LRRC27: variants seen among roughly 807,000 people sequenced by gnomAD.
LRRC27 encodes leucine rich repeat containing 27.
Under a neutral mutation model 55.0 loss-of-function variants are expected in LRRC27, and 57 were observed. That is an observed-to-expected ratio of 1.04 (90% CI 0.84 to 1.29). The LOEUF (loss-of-function observed/expected upper bound fraction) is 1.29. Ranked by LOEUF, LRRC27 falls within the 50% of genes most tolerant of loss-of-function variation. LRRC27 has a pLI of 0.00. For synonymous variants in LRRC27, 278 were observed against 251.9 expected, an observed-to-expected ratio of 1.10 and a Z score of -0.98; for missense variants, 721 against 651.5, an observed-to-expected ratio of 1.11 and a Z score of -1.16.
At chr10:132,356,303 C>T (rs528588371) in intron 8 of LRRC27, among the ~76,000 whole-genome samples, 1 of 152,358 alleles carries the variant, frequency 6.6e-6, no homozygotes, top group Admixed American at 6.5e-5. Context: ...TCTTTCTGGG[C>T]TCCTCACCCT....
rs541300084 is a variant in LRRC27 at position 132,372,971 on chromosome 10, G to T, written c.1417-2095G>T. Among the ~76,000 whole-genome samples, 5 of 152,276 alleles carry T rather than the reference G, an allele frequency of 3.3e-5. No homozygotes were observed. The South Asian group carries it at 1.0e-3, about 32-fold the overall frequency. On this transcript the variant is annotated intron_variant, in intron 10 of 10. Transcript: ENST00000368614. This position sits in a 1 kb window ranked among gnomAD's most constrained non-coding sequence, Gnocchi z 4.0. The stretch of plus-strand genomic sequence containing the variant: ...TGTTGAGGGAAGCCCCAAGGTGAGG[G>T]AGAGGCCAAAGCCAGCCGGCTGGGG...
rs2069296170 is a variant in LRRC27 at position 132,374,348 on chromosome 10, GGGC to G, written c.1417-717_1417-715del. ...AGGGAGACGGGAGCCGGGTGGCCCA[GGGC>G]TCCTGTGCTTGGAGTGGGGGAGGTT... On this transcript the variant is annotated intron_variant, in intron 10 of 10. Transcript: ENST00000368614. The surrounding 1 kb of genome is among the most constrained non-coding windows in gnomAD (Gnocchi z 4.4). Among the ~76,000 whole-genome samples the G allele has an allele frequency of 6.6e-6, 1 of 152,116 alleles. No homozygotes were observed.
intron 10 of LRRC27, among the ~76,000 whole-genome samples, chr10:132,369,906 CAA>C (rs1358217056): frequency 6.6e-6 from 1 of 152,150 alleles, no homozygotes; most frequent in Non-Finnish European, 1.5e-5. Context: ...GGCCATGAGA[CAA>C]AAGAGAATGA....
chr10:132,331,425 A>C, upstream of LRRC27: 2 of 1,604,908 alleles, frequency 1.2e-6, no homozygotes, highest in South Asian at 2.2e-5. Context: ...ACCCTTCCTC[A>C]GGACACTCAC....
intron 10 of LRRC27, among the ~76,000 whole-genome samples, chr10:132,368,682 G>A (rs1022170638): frequency 1.3e-4 from 15 of 111,230 alleles, no homozygotes; most frequent in African/African-American, 3.5e-4. Flanking sequence ...TAAACGTAAC[G>A]TGTTACCGTA....
intron 10 of LRRC27, among the ~76,000 whole-genome samples, chr10:132,369,449 G>T (rs527406271): frequency 7.9e-5 from 12 of 152,340 alleles, no homozygotes; most frequent in Non-Finnish European, 1.0e-4. Flanking sequence ...TGAGCCGTCA[G>T]CAATGAGAAG....
chr10:132,371,956 A>T (rs887418353), intron 10 of LRRC27, among the ~76,000 whole-genome samples: 1 of 152,220 alleles, frequency 6.6e-6, no homozygotes, highest in African/African-American at 2.4e-5. Context: ...TTGTCCTCGC[A>T]CATATGGAGG....
chr10:132,354,195 C>T (rs1354779093), intron 7 of LRRC27, among the ~76,000 whole-genome samples: 1 of 152,232 alleles, frequency 6.6e-6, no homozygotes, highest in Non-Finnish European at 1.5e-5. Context: ...CGTCCCACAC[C>T]TTCATGGAAG....
rs183575962 is a variant in LRRC27 at position 132,337,759 on chromosome 10, C to T, written c.341+64C>T. ...TTCAGTGCACGAGTGCCTGTTCTTTCGCTCCTTGTCCTTTACTCTTGATTA... is the reference window on the plus strand; with the variant it reads ...TTCAGTGCACGAGTGCCTGTTCTTTTGCTCCTTGTCCTTTACTCTTGATTA... On this transcript the variant is annotated intron_variant, in intron 3 of 10. Coordinates refer to ENST00000368614, the MANE Select transcript of LRRC27 (RefSeq NM_030626.3). 7.6e-3 allele frequency: 11,886 copies of T among 1,565,118 alleles called. 45 individuals are homozygous for T. The highest frequency in any genetic ancestry group is 8.9e-3 in the Non-Finnish European group (10,224 of 1,144,214).
At chr10:132,344,179 A>G (rs2748393) in intron 4 of LRRC27, among the ~76,000 whole-genome samples, 2 of 152,100 alleles carry the variant, frequency 1.3e-5, no homozygotes, top group African/African-American at 2.4e-5. Context: ...GGTAGTTTTT[A>G]TGTGGAAAAT....
intron 10 of LRRC27, among the ~76,000 whole-genome samples, chr10:132,368,691 T>C (rs1169022089): frequency 6.6e-6 from 1 of 152,162 alleles, no homozygotes; most frequent in Non-Finnish European, 1.5e-5. Flanking sequence ...CGTGTTACCG[T>C]ACAACTTTTA....
chr10:132,337,722 A>T, intron 3 of LRRC27, 27 bp downstream of exon 3: 1 of 1,610,552 alleles, frequency 6.2e-7, no homozygotes, highest in Non-Finnish European at 8.5e-7. Context: ...TCCAGATTTT[A>T]AAAATCATCT....
intron 10 of LRRC27, among the ~76,000 whole-genome samples, chr10:132,373,145 C>T (rs1390598815): frequency 6.6e-6 from 1 of 152,044 alleles, no homozygotes; most frequent in African/African-American, 2.4e-5. Flanking sequence ...CAGAAGAACT[C>T]CCAAGGCAAA....
intron 2 of LRRC27, among the ~76,000 whole-genome samples, chr10:132,334,037 T>C (rs572366220): frequency 7.2e-5 from 11 of 152,346 alleles, no homozygotes; most frequent in Admixed American, 2.0e-4. Flanking sequence ...GGTCTCTTAA[T>C]TAAAACACAA....
rs568581903 is a variant in LRRC27, at chr10:132,372,220, C to T, written c.1417-2846C>T. Among the ~76,000 whole-genome samples the T allele has an allele frequency of 3.4e-5, 5 of 148,798 alleles. No individual in the cohort carries two copies. Among genetic ancestry groups the T allele is most frequent in the Non-Finnish European group, 7.4e-5 (5 of 67,478 alleles). On this transcript the variant is annotated intron_variant, in intron 10 of 10. Coordinates refer to ENST00000368614, the MANE Select transcript of LRRC27 (RefSeq NM_030626.3). This position sits in a 1 kb window ranked among gnomAD's most constrained non-coding sequence, Gnocchi z 4.0. ...GTGGGGGTCGGGGTGCGGTGGCTCACGCCTGCAATCCCAGCTGAAAAGCAC... is the reference window on the plus strand; with the variant it reads ...GTGGGGGTCGGGGTGCGGTGGCTCATGCCTGCAATCCCAGCTGAAAAGCAC...
chr10:132,375,181 C>T lies in LRRC27; in HGVS notation c.1532C>T (p.Pro511Leu), dbSNP rs1422337021. 1.2e-6 allele frequency: 2 copies of T among 1,614,012 alleles called. No individual in the cohort carries two copies. Among genetic ancestry groups the T allele is most frequent in the Non-Finnish European group, 1.7e-6 (2 of 1,179,990 alleles). Residue 511 changes from proline to leucine, a missense_variant, in exon 11 of 11, where the codon CCT (proline) becomes CTT (leucine). Coordinates refer to ENST00000368614, the MANE Select transcript of LRRC27 (RefSeq NM_030626.3). ...TCGCTTGGCCTGCCGGCAGCACAGCCTCAAAATACATTTTTTAACACAAAA... is the reference window on the plus strand; with the variant it reads ...TCGCTTGGCCTGCCGGCAGCACAGCTTCAAAATACATTTTTTAACACAAAA... ...NLSLGLPAAQPQNTFFNTKYG... is the reference protein window; with the variant it reads ...NLSLGLPAAQLQNTFFNTKYG...
chr10:132,375,285 C>T lies in LRRC27; in HGVS notation c.*43C>T, dbSNP rs200153614. The T allele has an allele frequency of 3.2e-6, 5 of 1,562,710 alleles. No individual in the cohort carries two copies. Among genetic ancestry groups the T allele is most frequent in the Middle Eastern group, 2.0e-4 (1 of 5,128 alleles). On this transcript the variant is annotated 3_prime_UTR_variant, in exon 11 of 11. Coordinates refer to ENST00000368614, the MANE Select transcript of LRRC27 (RefSeq NM_030626.3). ...GATGGAGACGTCTTCAGACAGGAGC[C>T]GCTCAGTCTTCTTTCCCGGGCGTCG...
intron 7 of LRRC27, chr10:132,353,182 G>T: frequency 2.6e-5 from 36 of 1,411,076 alleles, no homozygotes; most frequent in Non-Finnish European, 3.3e-5. Context: ...GAGGAAGGGA[G>T]AGCGAGGGCC....
In LRRC27 at chr10:132,380,532, G is replaced by A. The variant is rs1008323269; in HGVS notation, c.*5290G>A. On this transcript the variant is annotated 3_prime_UTR_variant, in exon 11 of 11. Transcript: ENST00000368614. Reference sequence around the variant, plus strand: ...GTTTTAACTGGACATGGTGGCACACGCCTGCAGTCCCAGCTACTCAGGAGG... The same window carrying A: ...GTTTTAACTGGACATGGTGGCACACACCTGCAGTCCCAGCTACTCAGGAGG... 2.6e-5 allele frequency among the ~76,000 whole-genome samples: 4 copies of A among 152,038 alleles called. No homozygotes were observed. The highest frequency in any genetic ancestry group is 5.9e-5 in the Non-Finnish European group (4 of 68,012).
Sources: gnomAD v4.1 joint callset for allele counts (sites outside exome capture counted in the v4.1 genomes callset) on GRCh38, gnomAD v4.1.1 for gene constraint, Gnocchi (gnomAD v3.1) non-coding constraint, MANE v1.5 for transcripts, NCBI Gene and HGNC (gene_info 2026-07-23, HGNC 2026-07-21) for gene names.